Variants in NRXN1 observed in about 807,000 individuals in gnomAD.
NRXN1 encodes the protein neurexin-1.
A neutral mutation model predicts 150.9 loss-of-function variants in NRXN1; 39 were observed. That is an observed-to-expected ratio of 0.26 (90% CI 0.20 to 0.34). NRXN1 has a LOEUF of 0.34. NRXN1 is among the 10% of genes least tolerant of loss of function. The pLI is 1.00. For synonymous variants in NRXN1, 924 were observed against 757.0 expected, an observed-to-expected ratio of 1.22 and a Z score of -3.62; for missense variants, 1,815 against 1,949.9, an observed-to-expected ratio of 0.93 and a Z score of 1.30.
intron 5 of NRXN1, among the ~76,000 whole-genome samples, chr2:50,877,358 C>G (rs193036639): frequency 1.3e-5 from 2 of 151,982 alleles, no homozygotes; most frequent in African/African-American, 4.8e-5. Flanking sequence ...CTAGTTAATT[C>G]TAAGGTAGAA....
intron 5 of NRXN1, among the ~76,000 whole-genome samples, chr2:50,817,293 C>T (rs150594433): frequency 8.3e-4 from 127 of 152,108 alleles, no homozygotes; most frequent in African/African-American, 2.9e-3. Context: ...AACATACAAC[C>T]TATCAACTGA....
intron 21 of NRXN1, among the ~76,000 whole-genome samples, chr2:50,028,349 G>T (rs1309797015): frequency 6.6e-6 from 1 of 152,088 alleles, no homozygotes; most frequent in Non-Finnish European, 1.5e-5. Flanking sequence ...AGACATCAAG[G>T]CATTTTAAAA....
At chr2:50,617,637 G>GA (rs1473099567) in intron 8 of NRXN1, among the ~76,000 whole-genome samples, 14 of 152,130 alleles carry the variant, frequency 9.2e-5, no homozygotes, top group African/African-American at 3.1e-4. Flanking sequence ...AAAGAAGAGT[G>GA]AATTGTATCC....
intron 17 of NRXN1, among the ~76,000 whole-genome samples, chr2:50,351,401 T>C (rs2153001199): frequency 6.6e-6 from 1 of 152,294 alleles, no homozygotes; most frequent in East Asian, 1.9e-4. Context: ...TCATCTCTAA[T>C]TATGATGTGG....
chr2:50,347,832 AG>A lies in NRXN1; in HGVS notation c.3365-110863del, dbSNP rs1178592026. On this transcript the variant is annotated intron_variant, in intron 17 of 22. Transcript: ENST00000401669. The surrounding 1 kb of genome is among the most constrained non-coding windows in gnomAD (Gnocchi z 4.9). ...CAGTCTCCAAACAGCAAATCACTGA[AG>A]CTCGGATGCAATGCAGAGGACGAGC... 1.6e-5 allele frequency: 16 copies of A among 985,434 alleles called. No homozygotes were observed. Among genetic ancestry groups the A allele is most frequent in the Middle Eastern group, 5.2e-4 (1 of 1,938 alleles). The allele number at this position is 985,434 out of a possible 1,614,324, so 61.0% of individuals were successfully genotyped here.
chr2:50,294,274 T>C (rs1228503554), intron 17 of NRXN1, among the ~76,000 whole-genome samples: 1 of 152,210 alleles, frequency 6.6e-6, no homozygotes, highest in African/African-American at 2.4e-5. Context: ...TATAGCAGTG[T>C]ACATTGTGTC....
chr2:50,810,021 G>A (rs904946689), intron 5 of NRXN1, among the ~76,000 whole-genome samples: 5 of 152,038 alleles, frequency 3.3e-5, no homozygotes, highest in Non-Finnish European at 7.4e-5. Context: ...ATATAGTCAC[G>A]TTCAAATAAA....
At chr2:50,946,525 T>C (rs1298098785) in intron 2 of NRXN1, among the ~76,000 whole-genome samples, 1 of 152,112 alleles carries the variant, frequency 6.6e-6, no homozygotes, top group African/African-American at 2.4e-5. Flanking sequence ...ATTCTTTCAC[T>C]CTGGGTGTGA....
intron 12 of NRXN1, among the ~76,000 whole-genome samples, chr2:50,511,812 T>C (rs959270018): frequency 1.3e-5 from 2 of 152,098 alleles, no homozygotes; most frequent in East Asian, 1.9e-4. Flanking sequence ...ACTCAAAAGA[T>C]GGTAGATTTT....
intron 18 of NRXN1, among the ~76,000 whole-genome samples, chr2:50,233,354 T>G (rs1369286507): frequency 6.6e-6 from 1 of 152,020 alleles, no homozygotes; most frequent in Non-Finnish European, 1.5e-5. Flanking sequence ...CAAAAACCAT[T>G]TTATTCCAAG....
intron 5 of NRXN1, among the ~76,000 whole-genome samples, chr2:50,650,003 C>A (rs897569611): frequency 6.6e-6 from 1 of 151,992 alleles, no homozygotes; most frequent in Non-Finnish European, 1.5e-5. Flanking sequence ...TTATATTTAT[C>A]CCCCAGCTGT....
Position 50,447,255 on chromosome 2 carries a change from C to A in NRXN1, c.3364+18187G>T, listed in dbSNP as rs955633568. 3.3e-5 allele frequency among the ~76,000 whole-genome samples: 5 copies of A among 151,864 alleles called. 1 individual carries two copies. Among genetic ancestry groups the A allele is most frequent in the Non-Finnish European group, 7.4e-5 (5 of 67,984 alleles). On this transcript the variant is annotated intron_variant, in intron 17 of 22. Coordinates refer to ENST00000401669, the MANE Select transcript of NRXN1 (RefSeq NM_001330078.2). The stretch of plus-strand genomic sequence containing the variant: ...TTGGGAGGCCAAGGTGGGCAGATCA[C>A]TGGAGGTCAGAATTTCGAGATCAGC...
intron 5 of NRXN1, among the ~76,000 whole-genome samples, chr2:50,897,302 A>G (rs72823556): frequency 0.035 from 5,254 of 152,262 alleles, 175 homozygotes; most frequent in East Asian, 0.087. Flanking sequence ...AAACCGCTCA[A>G]TAAATTGTTT....
At chr2:50,884,281 C>G (rs1265404609) in intron 5 of NRXN1, among the ~76,000 whole-genome samples, 1 of 151,688 alleles carries the variant, frequency 6.6e-6, no homozygotes, top group Non-Finnish European at 1.5e-5. Flanking sequence ...AACAATGTAT[C>G]AATCAAAGCT....
chr2:51,004,952 A>T (rs1283906155), intron 2 of NRXN1, among the ~76,000 whole-genome samples: 1 of 152,004 alleles, frequency 6.6e-6, no homozygotes, highest in African/African-American at 2.4e-5. Context: ...CTTACCGCAT[A>T]AGATGGAACA....
rs1022880338 is a variant in NRXN1 at position 51,028,577 on chromosome 2, A to C, written c.-304T>G. On this transcript the variant is annotated 5_prime_UTR_variant, in exon 2 of 23. Coordinates refer to ENST00000401669, the MANE Select transcript of NRXN1 (RefSeq NM_001330078.2). ...AGACAACGTTCTGGAAAAGGCTTCA[A>C]CAAAAGATCAAGGGAAAGCACTGAC... is the stretch of plus-strand genomic sequence containing the variant. 4.3e-5 allele frequency: 14 copies of C among 327,380 alleles called. No individual in the cohort carries two copies. The East Asian group carries it at 6.6e-4, about 16-fold the overall frequency. The allele number at this position is 327,380 out of a possible 1,614,324, so 20.3% of individuals were successfully genotyped here. A position where few individuals can be genotyped will look rare whatever the true frequency, so the allele number is the denominator to read the frequency against.
At position 50,091,425 on chromosome 2, in the gene NRXN1, T is replaced by C. The variant is rs751778015; in HGVS notation, c.3616A>G (p.Ile1206Val). 3.7e-6 allele frequency: 6 copies of C among 1,614,076 alleles called. No individual in the cohort carries two copies. The highest frequency in any genetic ancestry group is 1.1e-5 in the South Asian group (1 of 91,088). The change falls in exon 19 of 23, where the codon ATC becomes GTC. Residue 1206 changes from isoleucine to valine, a missense_variant. Around this residue, in one of 6 missense-constraint regions of NRXN1, gnomAD observed 339 missense variants for 440.3 expected, o/e 0.77. Coordinates refer to ENST00000401669, the MANE Select transcript of NRXN1 (RefSeq NM_001330078.2). ...ACATGGTATTTCCCATCATTAATGA[T>C]TGCATTGGATTCTTCAATGGCGATG... ...DDIAIEESNA[I>V]INDGKYHVVR...
chr2:50,761,469 C>T (rs557924451), intron 5 of NRXN1, among the ~76,000 whole-genome samples: 2 of 151,916 alleles, frequency 1.3e-5, no homozygotes, highest in African/African-American at 4.8e-5. Flanking sequence ...TGCGCCTTTG[C>T]TCCTCCTTTG....
At chr2:50,114,157 T>C (rs1411549281) in intron 18 of NRXN1, among the ~76,000 whole-genome samples, 2 of 152,146 alleles carry the variant, frequency 1.3e-5, no homozygotes, top group African/African-American at 4.8e-5. Flanking sequence ...CAAAGAACTC[T>C]TGAAACTCAA....
Sources: allele counts gnomAD v4.1 joint callset (sites outside exome capture counted in the v4.1 genomes callset), GRCh38; gene constraint gnomAD v4.1.1; regional missense constraint gnomAD v4.1.1; non-coding constraint Gnocchi (gnomAD v3.1); transcripts MANE v1.5; gene names NCBI Gene and HGNC (gene_info 2026-07-23, HGNC 2026-07-21).